LRRC4C: variants seen among roughly 807,000 people sequenced by gnomAD.
LRRC4C encodes leucine-rich repeat-containing protein 4C.
In LRRC4C, 5 loss-of-function variants were observed where a neutral mutation model predicts 33.6. That is an observed-to-expected ratio of 0.15 (90% CI 0.08 to 0.31). The LOEUF (loss-of-function observed/expected upper bound fraction) is 0.31. Among genes scored for constraint, LRRC4C ranks in the 10% least tolerant of loss-of-function variants. The pLI is 1.00. For synonymous variants in LRRC4C, 329 were observed against 302.0 expected (o/e 1.09, Z -0.93); for missense variants, 560 against 796.7 (o/e 0.70, Z 3.58).
rs1161314952 is a variant in LRRC4C, at chr11:40,901,992, C to G, written c.-407+31643G>C. On this transcript the variant is annotated intron_variant, in intron 2 of 6. Transcript: ENST00000528697. ...ATAAGAAAAGACAATCTCTCTCTCT[C>G]TCTCTCTACACACACACACACACAC... is the stretch of plus-strand genomic sequence containing the variant. Among the ~76,000 whole-genome samples the G allele has an allele frequency of 8.4e-5, 12 of 143,588 alleles. No individual in the cohort carries two copies. The Admixed American group carries it at 8.6e-4, about 10-fold the overall frequency. 94.2% of individuals were successfully genotyped at this position (143,588 alleles called of 152,430 possible).
chr11:40,277,846 T>C lies in LRRC4C; in HGVS notation c.-175-36248A>G, dbSNP rs974426920. Among the ~76,000 whole-genome samples, 19 of 152,250 alleles carry C rather than the reference T, an allele frequency of 1.2e-4. No homozygotes were observed. In the East Asian group the frequency reaches 3.7e-3, roughly 29 times the overall value. ...CTCCATAAATGTTACCTATCGCTGA[T>C]TTTTTTGTATTGTGGTTATTATTGC... On this transcript the variant is annotated intron_variant, in intron 4 of 6. Coordinates refer to ENST00000528697, the MANE Select transcript of LRRC4C (RefSeq NM_001258419.2).
intron 5 of LRRC4C, among the ~76,000 whole-genome samples, chr11:40,239,730 C>T (rs75179254): frequency 0.017 from 2,661 of 152,230 alleles, 33 homozygotes; most frequent in Non-Finnish European, 0.026. Context: ...CAGTAAAAGC[C>T]GAATGTTTTC....
At chr11:40,578,141 G>GTTTTTTTTTTTTTTT (rs1360920903) in intron 3 of LRRC4C, among the ~76,000 whole-genome samples, 4 of 50,136 alleles carry the variant, frequency 8.0e-5, no homozygotes, top group Non-Finnish European at 1.1e-4. Context: ...TTTTTTTTCG[G>GTTTTTTTTTTTTTTT]TTTTTTTTTT....
intron 2 of LRRC4C, among the ~76,000 whole-genome samples, chr11:40,871,995 G>A (rs1954673148): frequency 6.6e-6 from 1 of 152,092 alleles, no homozygotes; most frequent in South Asian, 2.1e-4. Flanking sequence ...AGAACACAAG[G>A]ACTGGTTTCT....
intron 2 of LRRC4C, among the ~76,000 whole-genome samples, chr11:40,823,868 A>G (rs1368165405): frequency 1.3e-5 from 2 of 151,908 alleles, no homozygotes; most frequent in African/African-American, 4.8e-5. Flanking sequence ...TTACGCAAAG[A>G]CATCTACACA....
intron 3 of LRRC4C, among the ~76,000 whole-genome samples, chr11:40,569,523 C>T (rs1398634669): frequency 6.6e-6 from 1 of 151,852 alleles, no homozygotes; most frequent in Non-Finnish European, 1.5e-5. Context: ...GTATATATGC[C>T]TATGTATGTG....
intron 2 of LRRC4C, among the ~76,000 whole-genome samples, chr11:40,875,074 T>C (rs979968925): frequency 3.9e-5 from 6 of 152,174 alleles, no homozygotes; most frequent in Admixed American, 2.6e-4. Flanking sequence ...TCAGAATTTA[T>C]ATAACATTTA....
intron 3 of LRRC4C, among the ~76,000 whole-genome samples, chr11:40,601,011 A>AT (rs1206722507): frequency 6.6e-6 from 1 of 152,132 alleles, no homozygotes; most frequent in Non-Finnish European, 1.5e-5. Context: ...AACTCTGATA[A>AT]TTTTTTTAAG....
chr11:41,431,942 G>A (rs923452130), intron 1 of LRRC4C, among the ~76,000 whole-genome samples: 4 of 152,134 alleles, frequency 2.6e-5, no homozygotes, highest in Non-Finnish European at 5.9e-5. Flanking sequence ...CTAGTGGTCA[G>A]GTCTAGGAGT....
intron 4 of LRRC4C, among the ~76,000 whole-genome samples, chr11:40,317,062 C>T (rs1039919683): frequency 2.6e-5 from 4 of 151,930 alleles, no homozygotes; most frequent in Non-Finnish European, 4.4e-5. Context: ...TATAATCAAT[C>T]TAACCATTTA....
At chr11:40,392,884 C>T (rs1205270311) in intron 3 of LRRC4C, among the ~76,000 whole-genome samples, 2 of 151,926 alleles carry the variant, frequency 1.3e-5, no homozygotes, top group Non-Finnish European at 2.9e-5. Flanking sequence ...TCGCGAAATG[C>T]CCCGCTGAAT....
At chr11:40,849,595 G>A (rs535235294) in intron 2 of LRRC4C, among the ~76,000 whole-genome samples, 1 of 151,982 alleles carries the variant, frequency 6.6e-6, no homozygotes, top group South Asian at 2.1e-4. Flanking sequence ...TTCAACCTTG[G>A]TTAATCTGAC....
chr11:41,342,993 A>G (rs1351169343), intron 1 of LRRC4C, among the ~76,000 whole-genome samples: 1 of 152,192 alleles, frequency 6.6e-6, no homozygotes, highest in Non-Finnish European at 1.5e-5. Flanking sequence ...TTGTGTTAAC[A>G]TAACTCCAGT....
At chr11:40,696,770 A>G (rs953380046) in intron 2 of LRRC4C, among the ~76,000 whole-genome samples, 3 of 144,632 alleles carry the variant, frequency 2.1e-5, no homozygotes, top group Admixed American at 2.1e-4. Context: ...ATATATATAT[A>G]TATATCTGAG....
At chr11:40,379,703 C>G (rs1948790717) in intron 3 of LRRC4C, among the ~76,000 whole-genome samples, 1 of 152,184 alleles carries the variant, frequency 6.6e-6, no homozygotes, top group Non-Finnish European at 1.5e-5. Flanking sequence ...AGTCTTCATA[C>G]TGTAAACAAT....
intron 3 of LRRC4C, among the ~76,000 whole-genome samples, chr11:40,427,349 CAAA>C (rs1247380124): frequency 6.6e-6 from 1 of 151,628 alleles, no homozygotes; most frequent in Admixed American, 6.6e-5. Flanking sequence ...ACTAAAAATA[CAAA>C]AAAATTTAGC....
chr11:41,431,632 A>ACT (rs1555170627), intron 1 of LRRC4C, among the ~76,000 whole-genome samples: 3 of 125,364 alleles, frequency 2.4e-5, no homozygotes, highest in Non-Finnish European at 5.6e-5. Flanking sequence ...GATTTCTAAG[A>ACT]GTGTGTGTGT....
chr11:41,362,107 A>T (rs1952375277), intron 1 of LRRC4C, among the ~76,000 whole-genome samples: 1 of 152,176 alleles, frequency 6.6e-6, no homozygotes, highest in Non-Finnish European at 1.5e-5. Context: ...AATGCTCAAG[A>T]TATGGACAAA....
chr11:41,093,641 T>G (rs1321734548), intron 1 of LRRC4C, among the ~76,000 whole-genome samples: 1 of 152,150 alleles, frequency 6.6e-6, no homozygotes, highest in Non-Finnish European at 1.5e-5. Context: ...CTGTGGTAGC[T>G]GTTTCCATTT....
Sources: allele counts gnomAD v4.1 joint callset (sites outside exome capture counted in the v4.1 genomes callset), GRCh38; gene constraint gnomAD v4.1.1; transcripts MANE v1.5; gene names NCBI Gene and HGNC (gene_info 2026-07-23, HGNC 2026-07-21).